Variants in LUZP2 observed in about 807,000 individuals in gnomAD.
LUZP2 encodes leucine zipper protein 2.
A neutral mutation model predicts 51.6 loss-of-function variants in LUZP2; 52 were observed. The observed-to-expected ratio is 1.01, with a 90% CI of 0.81 to 1.27. The LOEUF (loss-of-function observed/expected upper bound fraction) is 1.27. Among genes scored for constraint, LUZP2 ranks in the 50% most tolerant of loss-of-function variants. The probability of loss-of-function intolerance (pLI) is 0.00; values close to 1 mark genes in which losing one functional copy is unlikely to be tolerated. For missense variants in LUZP2, 436 were observed against 395.4 expected (o/e 1.10, Z -0.87); for synonymous variants, 154 against 137.3 (o/e 1.12, Z -0.85).
chr11:25,006,943 C>T (rs1229254836), intron 9 of LUZP2, among the ~76,000 whole-genome samples: 1 of 152,164 alleles, frequency 6.6e-6, no homozygotes, highest in African/African-American at 2.4e-5. Context: ...CTTTTATTCC[C>T]TTATTTGGCC....
chr11:24,857,278 T>TATATATATACATATATATATATAC (rs1851595743), intron 5 of LUZP2, among the ~76,000 whole-genome samples: 2 of 94,630 alleles, frequency 2.1e-5, no homozygotes, highest in Non-Finnish European at 4.0e-5. Context: ...TGGGGATATA[T>TATATATATACATATATATATATAC]ATATATATAT....
intron 5 of LUZP2, among the ~76,000 whole-genome samples, chr11:24,783,795 G>T (rs1849162123): frequency 6.6e-6 from 1 of 151,884 alleles, no homozygotes; most frequent in Non-Finnish European, 1.5e-5. Flanking sequence ...GTACTTATTT[G>T]TTCTGTTTAT....
chr11:25,060,387 A>G (rs1325864392), intron 10 of LUZP2, among the ~76,000 whole-genome samples: 1 of 152,092 alleles, frequency 6.6e-6, no homozygotes, highest in African/African-American at 2.4e-5. Context: ...CACTAGTACC[A>G]TTCATGAGGC....
intron 9 of LUZP2, among the ~76,000 whole-genome samples, chr11:25,034,430 C>T (rs1857788663): frequency 6.6e-6 from 1 of 152,066 alleles, no homozygotes; most frequent in Admixed American, 6.6e-5. Context: ...TAAATTATAT[C>T]TCACTTGTCT....
At chr11:24,870,476 CACACACACACACAG>C (rs61357033) in intron 5 of LUZP2, among the ~76,000 whole-genome samples, 22,013 of 62,180 alleles carry the variant, frequency 0.35, 1,643 homozygotes, top group Admixed American at 0.42. Context: ...TTCCTACACA[CACACACACACACAG>C]ACACACACAC....
chr11:24,672,994 A>G (rs1467228805), intron 1 of LUZP2, among the ~76,000 whole-genome samples: 1 of 152,188 alleles, frequency 6.6e-6, no homozygotes, highest in Non-Finnish European at 1.5e-5. Flanking sequence ...TGAATGGCAC[A>G]TGCAAGGGAT....
chr11:24,535,443 C>T (rs1259507810), intron 1 of LUZP2, among the ~76,000 whole-genome samples: 1 of 151,558 alleles, frequency 6.6e-6, no homozygotes, highest in Non-Finnish European at 1.5e-5. Context: ...TCTTTATCAA[C>T]CAAGTTTATG....
chr11:24,983,064 T>G, intron 8 of LUZP2, 62 bp from the exon 9 acceptor site: 2 of 1,525,988 alleles, frequency 1.3e-6, no homozygotes, highest in Admixed American at 3.6e-5. Context: ...AAAGGGAGAA[T>G]GCAAGCAGAT....
intron 5 of LUZP2, among the ~76,000 whole-genome samples, chr11:24,779,346 A>G (rs1003359945): frequency 6.6e-6 from 1 of 152,214 alleles, no homozygotes; most frequent in Non-Finnish European, 1.5e-5. Context: ...TGTCATGGGT[A>G]GTAAGAAAGT....
At chr11:24,881,188 G>A (rs966104815) in intron 5 of LUZP2, among the ~76,000 whole-genome samples, 1 of 152,030 alleles carries the variant, frequency 6.6e-6, no homozygotes, top group African/African-American at 2.4e-5. Flanking sequence ...GTTTTAACAA[G>A]CCAGTACATT....
intron 1 of LUZP2, among the ~76,000 whole-genome samples, chr11:24,704,466 G>A (rs1457240500): frequency 3.3e-5 from 5 of 150,982 alleles, no homozygotes; most frequent in East Asian, 1.9e-4. Context: ...ACAGGATTAC[G>A]GAGGAGTAAC....
At chr11:24,542,522 G>A (rs1433567138) in intron 1 of LUZP2, among the ~76,000 whole-genome samples, 2 of 151,620 alleles carry the variant, frequency 1.3e-5, no homozygotes, top group Non-Finnish European at 2.9e-5. Context: ...ATTTTCCAGT[G>A]TGTGAAAAAA....
intron 8 of LUZP2, 33 bp from the exon 9 acceptor site, chr11:24,983,093 A>T (rs1856084985): frequency 6.2e-7 from 1 of 1,605,346 alleles, no homozygotes; most frequent in Non-Finnish European, 8.5e-7. Flanking sequence ...AGCATAGCTA[A>T]ATGTAAATAT....
At chr11:24,702,694 A>G (rs112805573) in intron 1 of LUZP2, among the ~76,000 whole-genome samples, 1,565 of 152,276 alleles carry the variant, frequency 0.01, 30 homozygotes, top group African/African-American at 0.034. Flanking sequence ...CCCACCTCCA[A>G]CATGGGGATT....
At chr11:24,700,427 C>A (rs1398306823) in intron 1 of LUZP2, among the ~76,000 whole-genome samples, 3 of 152,130 alleles carry the variant, frequency 2.0e-5, no homozygotes, top group South Asian at 4.1e-4. Flanking sequence ...TTTCCTAGAC[C>A]ACTTAATTTC....
At position 24,949,968 on chromosome 11, in the gene LUZP2, CTTT is replaced by C. The variant is rs34673656; in HGVS notation, c.523-26609_523-26607del. Among the ~76,000 whole-genome samples the C allele has an allele frequency of 3.3e-3, 396 of 119,840 alleles. 3 individuals carry two copies. Among genetic ancestry groups the C allele is most frequent in the African/African-American group, 0.011 (364 of 33,844 alleles). 78.6% of individuals were successfully genotyped at this position (119,840 alleles called of 152,430 possible). ...CCCGCCCTTTTTCTTTCTTTCTTTT[CTTT>C]TTTTTTTTTTTTTGAGATGGAGTCT... On this transcript the variant is annotated intron_variant, in intron 7 of 11. Transcript: ENST00000336930.
intron 1 of LUZP2, among the ~76,000 whole-genome samples, chr11:24,517,230 A>G (rs1850493505): frequency 6.6e-6 from 1 of 152,088 alleles, no homozygotes. Context: ...TCACGCCTGT[A>G]ACCCCAGCAC....
intron 9 of LUZP2, among the ~76,000 whole-genome samples, chr11:25,029,057 T>C (rs1413707874): frequency 3.3e-5 from 5 of 151,770 alleles, no homozygotes; most frequent in Non-Finnish European, 7.4e-5. Context: ...ACATAGAGAG[T>C]AGAAAAATGG....
At chr11:25,068,835 C>G (rs112185831) in intron 10 of LUZP2, among the ~76,000 whole-genome samples, 11 of 151,946 alleles carry the variant, frequency 7.2e-5, no homozygotes, top group African/African-American at 2.7e-4. Context: ...CTCAGCTTAC[C>G]TCACAACTGC....
Sources: allele counts gnomAD v4.1 joint callset (sites outside exome capture counted in the v4.1 genomes callset), GRCh38; gene constraint gnomAD v4.1.1; transcripts MANE v1.5; gene names NCBI Gene and HGNC (gene_info 2026-07-23, HGNC 2026-07-21).